Variants in STXBP5L observed in about 807,000 individuals in gnomAD.
STXBP5L encodes syntaxin-binding protein 5-like.
STXBP5L carries 65 observed loss-of-function variants against 144.5 expected under a neutral mutation model. That is an observed-to-expected ratio of 0.45 (90% CI 0.37 to 0.55). STXBP5L has a LOEUF of 0.55. STXBP5L is among the 20% of genes least tolerant of loss of function. The pLI, the probability that STXBP5L is intolerant of heterozygous loss-of-function variation, is 0.00. For synonymous variants in STXBP5L, 505 were observed against 469.6 expected (o/e 1.08, Z -0.97); for missense variants, 1,298 against 1,405.5 (o/e 0.92, Z 1.22).
chr3:121,290,328 T>C (rs2051384522), intron 19 of STXBP5L, among the ~76,000 whole-genome samples: 1 of 152,006 alleles, frequency 6.6e-6, no homozygotes. Context: ...CCTGGAAATA[T>C]ACAACCCTCC....
chr3:121,244,465 G>T (rs1046572335), intron 14 of STXBP5L, among the ~76,000 whole-genome samples: 2 of 150,946 alleles, frequency 1.3e-5, no homozygotes, highest in African/African-American at 4.9e-5. Context: ...GAGAGAGAGA[G>T]ACAGAGAGAG....
intron 10 of STXBP5L, among the ~76,000 whole-genome samples, chr3:121,207,712 G>A (rs2048393367): frequency 6.6e-6 from 1 of 152,154 alleles, no homozygotes; most frequent in Non-Finnish European, 1.5e-5. Flanking sequence ...CATTTATACA[G>A]CCAACAGACA....
chr3:121,052,310 C>T (rs990972190), intron 5 of STXBP5L, among the ~76,000 whole-genome samples: 48 of 152,270 alleles, frequency 3.2e-4, no homozygotes, highest in African/African-American at 1.1e-3. Context: ...AATTTAAGAC[C>T]AATATCCCTG....
chr3:121,184,895 A>C (rs920655112), intron 9 of STXBP5L, among the ~76,000 whole-genome samples: 1 of 152,208 alleles, frequency 6.6e-6, no homozygotes, highest in Non-Finnish European at 1.5e-5. Context: ...GCCAAAAGAG[A>C]GTGGGGACCA....
chr3:120,946,431 C>T (rs960042553), intron 2 of STXBP5L, among the ~76,000 whole-genome samples: 1 of 151,608 alleles, frequency 6.6e-6, no homozygotes, highest in African/African-American at 2.4e-5. Flanking sequence ...TTTGCCTTTA[C>T]CATTAAGAAT....
rs147591592 is a variant in STXBP5L, at chr3:120,967,013, C to T, written c.287+11976C>T. The stretch of plus-strand genomic sequence containing the variant: ...CTCAAGCTTCAGCAATGGTGGACGC[C>T]CTTCCCCTAGCCAGGCTGCCGCTTG... On this transcript the variant is annotated intron_variant, in intron 3 of 26. Coordinates refer to ENST00000471454, the MANE Select transcript of STXBP5L (RefSeq NM_001308330.2). 3.7e-3 allele frequency among the ~76,000 whole-genome samples: 561 copies of T among 152,142 alleles called. 7 individuals carry two copies. The highest frequency in any genetic ancestry group is 0.011 in the African/African-American group (475 of 41,514).
chr3:121,040,613 C>T (rs1947078512), intron 3 of STXBP5L, among the ~76,000 whole-genome samples: 1 of 151,928 alleles, frequency 6.6e-6, no homozygotes, highest in African/African-American at 2.4e-5. Context: ...TTTTGTGTGT[C>T]ACATTTTCTT....
At chr3:121,104,415 AC>A (rs2107791701) in intron 5 of STXBP5L, among the ~76,000 whole-genome samples, 1 of 152,254 alleles carries the variant, frequency 6.6e-6, no homozygotes, top group South Asian at 2.1e-4. Context: ...TTAATGTGAA[AC>A]CAAAAAAGAG....
Position 121,169,242 on chromosome 3 carries a change from A to T in STXBP5L, c.877+11615A>T, listed in dbSNP as rs547152428. The stretch of plus-strand genomic sequence containing the variant: ...ACCAGCCACTGCAAAAACATACCAA[A>T]TTGTAAGGATCATCCACCCTCTGAA... On this transcript the variant is annotated intron_variant, in intron 9 of 26. Transcript: ENST00000471454. 5.9e-5 allele frequency among the ~76,000 whole-genome samples: 9 copies of T among 152,312 alleles called. No homozygotes were observed. In the East Asian group the frequency reaches 1.7e-3, roughly 29 times the overall value.
At chr3:121,003,766 C>T (rs1018556145) in intron 3 of STXBP5L, among the ~76,000 whole-genome samples, 1 of 152,276 alleles carries the variant, frequency 6.6e-6, no homozygotes, top group South Asian at 2.1e-4. Flanking sequence ...CAGCTTTCTA[C>T]ATATGGCTAG....
intron 9 of STXBP5L, among the ~76,000 whole-genome samples, chr3:121,187,932 A>G (rs1190663990): frequency 6.6e-6 from 1 of 152,080 alleles, no homozygotes; most frequent in Non-Finnish European, 1.5e-5. Context: ...CAACAAAGAG[A>G]CAGAGAAGGG....
intron 22 of STXBP5L, among the ~76,000 whole-genome samples, chr3:121,391,798 C>T (rs776753508): frequency 1.3e-5 from 2 of 152,140 alleles, no homozygotes; most frequent in Non-Finnish European, 2.9e-5. Context: ...GGGGCAGCCA[C>T]CTATATGAGG....
At chr3:120,959,785 C>T (rs1470169867) in intron 3 of STXBP5L, among the ~76,000 whole-genome samples, 1 of 152,076 alleles carries the variant, frequency 6.6e-6, no homozygotes, top group East Asian at 1.9e-4. Context: ...AATGTTAGAC[C>T]TAAAACCATA....
At chr3:121,394,225 T>C (rs2046667087) in intron 22 of STXBP5L, among the ~76,000 whole-genome samples, 1 of 152,194 alleles carries the variant, frequency 6.6e-6, no homozygotes, top group Non-Finnish European at 1.5e-5. Flanking sequence ...AGCTTGATCA[T>C]TATTAGTGTA....
At chr3:120,992,029 A>C (rs1201621484) in intron 3 of STXBP5L, among the ~76,000 whole-genome samples, 3 of 152,106 alleles carry the variant, frequency 2.0e-5, no homozygotes, top group Non-Finnish European at 2.9e-5. Flanking sequence ...ATTTCTTTCC[A>C]TGTTTTTGCT....
chr3:121,218,222 TA>T (rs1260930037), intron 10 of STXBP5L, among the ~76,000 whole-genome samples: 1 of 142,972 alleles, frequency 7.0e-6, no homozygotes. Context: ...ATACATAGTA[TA>T]ATATAGTATA....
chr3:121,014,312 C>T (rs938042943), intron 3 of STXBP5L, among the ~76,000 whole-genome samples: 1 of 151,684 alleles, frequency 6.6e-6, no homozygotes, highest in African/African-American at 2.4e-5. Context: ...ACAATATCTA[C>T]CTCTTACATC....
chr3:121,391,756 C>T (rs569030940), intron 22 of STXBP5L, among the ~76,000 whole-genome samples: 35 of 152,280 alleles, frequency 2.3e-4, no homozygotes, highest in African/African-American at 8.4e-4. Context: ...AATATTGCTG[C>T]CTGATCCTTC....
At chr3:121,032,437 G>A (rs926856621) in intron 3 of STXBP5L, among the ~76,000 whole-genome samples, 7 of 152,076 alleles carry the variant, frequency 4.6e-5, no homozygotes, top group Admixed American at 2.0e-4. Context: ...TAGCCACTAG[G>A]TAATAAATTC....
Sources: allele counts gnomAD v4.1 joint callset (sites outside exome capture counted in the v4.1 genomes callset), GRCh38; gene constraint gnomAD v4.1.1; transcripts MANE v1.5; gene names NCBI Gene and HGNC (gene_info 2026-07-23, HGNC 2026-07-21).